PCDHA4: variants seen among roughly 807,000 people sequenced by gnomAD.
PCDHA4 encodes the protein protocadherin alpha 4.
In PCDHA4, 49 loss-of-function variants were observed where a neutral mutation model predicts 61.4. The ratio of observed to expected loss-of-function variants is 0.80; its 90% CI spans 0.63 to 1.01. The LOEUF (loss-of-function observed/expected upper bound fraction) is 1.01. Among genes scored for constraint, PCDHA4 ranks in the 50% least tolerant of loss-of-function variants. The pLI is 0.00. For missense variants in PCDHA4, 1,254 were observed against 1,235.8 expected (o/e 1.01, Z -0.22); for synonymous variants, 590 against 550.3 (o/e 1.07, Z -1.01).
At chr5:140,940,372 AGTT>A (rs2092600737) in intron 1 of PCDHA4, among the ~76,000 whole-genome samples, 1 of 151,970 alleles carries the variant, frequency 6.6e-6, no homozygotes, top group Non-Finnish European at 1.5e-5. Flanking sequence ...GTATTCCTTG[AGTT>A]GTTAATTTTG....
chr5:140,852,012 T>C (rs2042217314), intron 1 of PCDHA4: 1 of 965,684 alleles, frequency 1.0e-6, no homozygotes, highest in East Asian at 1.1e-4. Context: ...TAATTTATAG[T>C]TTTAAAAACT....
intron 2 of PCDHA4, among the ~76,000 whole-genome samples, chr5:140,981,892 G>A (rs1245605619): frequency 2.0e-5 from 3 of 152,122 alleles, no homozygotes; most frequent in Non-Finnish European, 2.9e-5. Flanking sequence ...TCTTCTGAGC[G>A]GGGATCTGTG....
chr5:140,849,738 C>T (rs1562459111), intron 1 of PCDHA4: 4 of 1,598,360 alleles, frequency 2.5e-6, no homozygotes, highest in East Asian at 2.2e-5. Flanking sequence ...AGCTCTGGAC[C>T]GCGAGAGTGT....
At position 140,808,938 on chromosome 5, in the gene PCDHA4, C is replaced by A. The variant is rs782653809; in HGVS notation, c.1751C>A (p.Ser584Ter). 1 of 1,613,692 alleles carries A rather than the reference C, an allele frequency of 6.2e-7. No individual in the cohort carries two copies. Among genetic ancestry groups the A allele is most frequent in the South Asian group, 1.1e-5 (1 of 91,046 alleles). ...GGAVSELVPW[S>*]VGVGHVVAKV... ...GCAGTGAGCGAGCTGGTGCCATGGT[C>A]GGTGGGTGTGGGCCACGTGGTGGCA... Residue 584 changes from serine to a stop codon, truncating the protein, a stop_gained, in exon 1 of 4, where the codon TCG becomes TAG. Coordinates refer to ENST00000530339, the MANE Select transcript of PCDHA4 (RefSeq NM_018907.4). LOFTEE classifies it high-confidence loss of function.
intron 1 of PCDHA4, chr5:140,855,784 A>T: frequency 2.4e-6 from 1 of 425,516 alleles, no homozygotes; most frequent in Non-Finnish European, 4.2e-6. Flanking sequence ...TACGTAAAAA[A>T]AGAATTAACA....
At chr5:140,887,438 A>T (rs540823028) in intron 1 of PCDHA4, among the ~76,000 whole-genome samples, 3 of 152,268 alleles carry the variant, frequency 2.0e-5, no homozygotes, top group Admixed American at 6.5e-5. Flanking sequence ...TTCACTGGGC[A>T]TAGTTGACAG....
At chr5:140,812,540 T>G (rs1456985298) in intron 1 of PCDHA4, 2 of 152,188 alleles carry the variant, frequency 1.3e-5, no homozygotes, top group Non-Finnish European at 2.9e-5. Flanking sequence ...CCTTTTTTTC[T>G]AGTTCCTTGA....
intron 1 of PCDHA4, chr5:140,860,473 G>A (rs534132649): frequency 6.6e-6 from 1 of 152,258 alleles, no homozygotes; most frequent in South Asian, 2.1e-4. Flanking sequence ...AGTTGGTGCA[G>A]TAGTACTTTA....
At chr5:140,866,296 A>T (rs2049269688) in intron 1 of PCDHA4, 4 of 152,164 alleles carry the variant, frequency 2.6e-5, no homozygotes, top group Admixed American at 2.6e-4. Flanking sequence ...ACAAGTATAG[A>T]TGTTGATATT....
At chr5:140,848,251 T>C (rs1419799302) in intron 1 of PCDHA4, 3 of 465,726 alleles carry the variant, frequency 6.4e-6, no homozygotes, top group Non-Finnish European at 1.1e-5. Flanking sequence ...GCAGAATAAC[T>C]GTGAAATTTT....
chr5:140,879,973 C>T (rs1554171113), intron 1 of PCDHA4, among the ~76,000 whole-genome samples: 1 of 152,200 alleles, frequency 6.6e-6, no homozygotes, highest in East Asian at 1.9e-4. Context: ...GGATAAACTC[C>T]TTTCAAGATC....
In PCDHA4 at chr5:140,809,153, G is replaced by A. The variant is rs558715293; in HGVS notation, c.1966G>A (p.Glu656Lys). Reference sequence around the variant, plus strand: ...ACTGGTACTGGTGAAGGACCACGGCGAGCCCGCGCTGACGGCCACGGCCAC... The same window carrying A: ...ACTGGTACTGGTGAAGGACCACGGCAAGCCCGCGCTGACGGCCACGGCCAC... ...RLLVLVKDHG[E>K]PALTATATVL... Residue 656 changes from glutamate (E) to lysine (K), a missense_variant, in exon 1 of 4, where the codon GAG becomes AAG. Glu to Lys is a moderately conservative substitution (Grantham distance 56). Transcript: ENST00000530339. 1.3e-5 allele frequency: 21 copies of A among 1,613,816 alleles called. No individual in the cohort carries two copies. The highest frequency in any genetic ancestry group is 1.6e-5 in the Non-Finnish European group (19 of 1,179,936).
chr5:140,841,702 T>G (rs1554138466), intron 1 of PCDHA4: 1 of 1,613,896 alleles, frequency 6.2e-7, no homozygotes, highest in Non-Finnish European at 8.5e-7. Flanking sequence ...AGGATGTTAA[T>G]GACAACCCGC....
intron 1 of PCDHA4, chr5:140,823,530 T>C: frequency 1.2e-6 from 2 of 1,613,714 alleles, no homozygotes. Flanking sequence ...GGTCAGTGGG[T>C]GCGGGCCACG....
chr5:140,967,342 C>T (rs149890293), intron 1 of PCDHA4: 40 of 1,607,992 alleles, frequency 2.5e-5, no homozygotes, highest in Non-Finnish European at 3.4e-5. Context: ...CCAGCGAGCA[C>T]TTCGAGCTGG....
chr5:140,875,889 G>C, intron 1 of PCDHA4: 1 of 1,614,174 alleles, frequency 6.2e-7, no homozygotes, highest in South Asian at 1.1e-5. Context: ...GGGAACAAAA[G>C]GTACCTGTTT....
intron 1 of PCDHA4, chr5:140,871,045 G>C: frequency 6.2e-7 from 1 of 1,613,386 alleles, no homozygotes; most frequent in African/African-American, 1.3e-5. Context: ...CCGACTTCTA[G>C]TACTGGTGAA....
intron 1 of PCDHA4, chr5:140,816,182 C>G (rs2126670067): frequency 7.9e-5 from 12 of 152,234 alleles, no homozygotes; most frequent in African/African-American, 2.9e-4. Flanking sequence ...CTTAGGCTTT[C>G]TTTACTCTCT....
intron 3 of PCDHA4, among the ~76,000 whole-genome samples, chr5:141,007,904 T>C (rs1397513381): frequency 6.6e-6 from 1 of 152,278 alleles, no homozygotes; most frequent in African/African-American, 2.4e-5. Flanking sequence ...TTGTTCTTTG[T>C]TGAAGATGCT....
Sources: gnomAD v4.1 joint callset for allele counts (sites outside exome capture counted in the v4.1 genomes callset) on GRCh38, gnomAD v4.1.1 for gene constraint, MANE v1.5 for transcripts, NCBI Gene and HGNC (gene_info 2026-07-23, HGNC 2026-07-21) for gene names.